Variants in TNKS observed in about 807,000 individuals in gnomAD.
The protein encoded by TNKS is poly [ADP-ribose] polymerase tankyrase-1.
Under a neutral mutation model 135.8 loss-of-function variants are expected in TNKS, and 72 were observed. The observed-to-expected ratio is 0.53, with a 90% CI of 0.44 to 0.64. The LOEUF (loss-of-function observed/expected upper bound fraction) is 0.64. TNKS is among the 30% of genes least tolerant of loss of function. The probability of loss-of-function intolerance (pLI) is 0.00; values close to 1 mark genes in which losing one functional copy is unlikely to be tolerated. For synonymous variants in TNKS, 849 were observed against 649.3 expected, an observed-to-expected ratio of 1.31 and a Z score of -4.68; for missense variants, 1,769 against 1,674.0, an observed-to-expected ratio of 1.06 and a Z score of -0.99.
At chr8:9,564,899 TC>T (rs1430039065) in intron 1 of TNKS, among the ~76,000 whole-genome samples, 2 of 152,192 alleles carry the variant, frequency 1.3e-5, no homozygotes, top group Non-Finnish European at 2.9e-5. Context: ...AAATGGACTT[TC>T]AGTTTCTTGG....
intron 2 of TNKS, among the ~76,000 whole-genome samples, chr8:9,613,450 A>G (rs1366231439): frequency 6.6e-6 from 1 of 152,198 alleles, no homozygotes. Context: ...GAGGGGTTAG[A>G]TACCTTCTCC....
rs375277034 is a variant in TNKS at position 9,727,922 on chromosome 8, A to G, written c.2001+1202A>G. Among the ~76,000 whole-genome samples, 6 of 152,164 alleles carry G rather than the reference A, an allele frequency of 3.9e-5. No homozygotes were observed. The East Asian group carries it at 9.6e-4, about 24-fold the overall frequency. Reference sequence around the variant, plus strand: ...TGTTGTCTTAAATCTAAAACTGTACATTTTTTCTTAAAAATGCTTCATCAC... The same window carrying G: ...TGTTGTCTTAAATCTAAAACTGTACGTTTTTTCTTAAAAATGCTTCATCAC... On this transcript the variant is annotated intron_variant, in intron 13 of 26. Transcript: ENST00000310430.
At chr8:9,702,427 A>G (rs1803848664) in intron 5 of TNKS, among the ~76,000 whole-genome samples, 1 of 152,180 alleles carries the variant, frequency 6.6e-6, no homozygotes, top group Non-Finnish European at 1.5e-5. Flanking sequence ...TCCACAGGGG[A>G]AAAAACACAT....
chr8:9,700,892 T>A (rs1009104315), intron 5 of TNKS, among the ~76,000 whole-genome samples: 1 of 152,058 alleles, frequency 6.6e-6, no homozygotes, highest in Non-Finnish European at 1.5e-5. Context: ...TAAATGATTT[T>A]TTAAAATCTG....
At chr8:9,636,634 C>T (rs1800521675) in intron 3 of TNKS, among the ~76,000 whole-genome samples, 1 of 152,142 alleles carries the variant, frequency 6.6e-6, no homozygotes, top group Non-Finnish European at 1.5e-5. Context: ...GAAGAAAACT[C>T]TTGGGCATTA....
At chr8:9,699,855 A>G (rs1803713358) in intron 5 of TNKS, among the ~76,000 whole-genome samples, 1 of 152,304 alleles carries the variant, frequency 6.6e-6, no homozygotes. Context: ...TTCTGCTTCA[A>G]GTCTTTCAGT....
In TNKS at chr8:9,556,565, C is replaced by G. The variant is rs920832739; in HGVS notation, c.626C>G (p.Ala209Gly). 3 of 1,613,986 alleles carry G rather than the reference C, an allele frequency of 1.9e-6. No individual in the cohort carries two copies. Among genetic ancestry groups the G allele is most frequent in the Non-Finnish European group, 2.5e-6 (3 of 1,180,052 alleles). Residue 209 changes from alanine (A) to glycine (G), a missense_variant, in exon 1 of 27, where the codon GCA becomes GGA. Physicochemically the swap from Ala to Gly is moderately conservative, Grantham distance 60 (BLOSUM62 0). This residue lies in a region of TNKS where 450 missense variants were observed against 304.9 expected (regional missense o/e 1.48). Coordinates refer to ENST00000310430, the MANE Select transcript of TNKS (RefSeq NM_003747.3). ...CTGGTGGACGCGGCAAACGTAAATG[C>G]AAAGGACATGGCCGGCCGGAAGTCT... ...KRLVDAANVN[A>G]KDMAGRKSSP...
chr8:9,733,438 T>G lies in TNKS; in HGVS notation c.2307T>G (p.Leu769=). 1 of 1,612,562 alleles carries G rather than the reference T, an allele frequency of 6.2e-7. No homozygotes were observed. Among genetic ancestry groups the G allele is most frequent in the Non-Finnish European group, 8.5e-7 (1 of 1,179,220 alleles). The change falls in exon 15 of 27, where the codon CTT becomes CTG. Residue 769 remains leucine (L), a synonymous_variant. Coordinates refer to ENST00000310430, the MANE Select transcript of TNKS (RefSeq NM_003747.3). ...GAAAGTATGAAATCTGCAAGCTCCT[T>G]TTAAAAGTATGTAGTTTAAAAAGTT... ...AKGKYEICKL[L]LKHGADPTKK...
At chr8:9,611,866 A>T (rs1799476484) in intron 2 of TNKS, among the ~76,000 whole-genome samples, 2 of 152,092 alleles carry the variant, frequency 1.3e-5, no homozygotes, top group South Asian at 4.1e-4. Context: ...CTCAACTTTT[A>T]GTTTTGTTTG....
At chr8:9,657,920 C>T (rs1252900084) in intron 3 of TNKS, among the ~76,000 whole-genome samples, 3 of 98,302 alleles carry the variant, frequency 3.1e-5, no homozygotes, top group East Asian at 3.4e-4. Flanking sequence ...CCTCACTTCT[C>T]AGACGGGGCG....
chr8:9,731,315 C>T (rs1020292624), intron 14 of TNKS, among the ~76,000 whole-genome samples: 26 of 152,076 alleles, frequency 1.7e-4, no homozygotes, highest in Non-Finnish European at 2.9e-4. Flanking sequence ...ACAAAATTAG[C>T]CAGGCGTGGT....
At chr8:9,680,427 C>T (rs964302713) in intron 4 of TNKS, among the ~76,000 whole-genome samples, 2 of 151,954 alleles carry the variant, frequency 1.3e-5, no homozygotes, top group African/African-American at 2.4e-5. Flanking sequence ...TTAACTCCAA[C>T]GTTTTAGTCT....
rs1314563274 is a variant in TNKS, at chr8:9,779,074, T to G, written c.*2338T>G. 1.3e-5 allele frequency: 2 copies of G among 152,536 alleles called. No individual in the cohort carries two copies. The highest frequency in any genetic ancestry group is 1.3e-4 in the Admixed American group (2 of 15,270). The allele number at this position is 152,536 out of a possible 1,614,324, so 9.4% of individuals were successfully genotyped here. A position where few individuals can be genotyped will look rare whatever the true frequency, so the allele number is the denominator to read the frequency against. ...GTGTAAGGAAGACATTTGCGGTGCT[T>G]CTTGTCCTATAATGATTCAAGTATA... On this transcript the variant is annotated 3_prime_UTR_variant, in exon 27 of 27. Coordinates refer to ENST00000310430, the MANE Select transcript of TNKS (RefSeq NM_003747.3).
intron 3 of TNKS, among the ~76,000 whole-genome samples, chr8:9,662,768 G>T (rs1158192051): frequency 6.6e-6 from 1 of 152,078 alleles, no homozygotes; most frequent in Non-Finnish European, 1.5e-5. Context: ...TTTAAAAAAA[G>T]TATGTACTTT....
In TNKS at chr8:9,776,913, A is replaced by G. The variant is rs892504735; in HGVS notation, c.*177A>G. 2 of 581,470 alleles carry G rather than the reference A, an allele frequency of 3.4e-6. No homozygotes were observed. The highest frequency in any genetic ancestry group is 6.5e-5 in the Admixed American group (2 of 30,740). The allele number at this position is 581,470 out of a possible 1,614,324, so 36.0% of individuals were successfully genotyped here. A position where few individuals can be genotyped will look rare whatever the true frequency, so the allele number is the denominator to read the frequency against. On this transcript the variant is annotated 3_prime_UTR_variant, in exon 27 of 27. Transcript: ENST00000310430. ...AGTATGAGTAACTGATACATACTCA[A>G]CTGCTACTGTTCCCTTTGAGGAAAT...
rs956436227 is a variant in TNKS, at chr8:9,672,715, A to C, written c.995-7236A>C. Among the ~76,000 whole-genome samples the C allele has an allele frequency of 6.1e-3, 702 of 114,734 alleles. 2 individuals are homozygous for C. Among genetic ancestry groups the C allele is most frequent in the East Asian group, 0.035 (95 of 2,720 alleles). The allele number at this position is 114,734 out of a possible 152,430, so 75.3% of individuals were successfully genotyped here. A position where few individuals can be genotyped will look rare whatever the true frequency, so the allele number is the denominator to read the frequency against. On this transcript the variant is annotated intron_variant, in intron 3 of 26. Coordinates refer to ENST00000310430, the MANE Select transcript of TNKS (RefSeq NM_003747.3). ...ACACACACACACACACACACACAAA[A>C]AAAAAAAAACAAACTAATATCCCAC...
rs1186773215 is a variant in TNKS at position 9,748,094 on chromosome 8, C to T, written c.2714C>T (p.Thr905Ile). ...CVNATDKWAFTPLHEAAQKGR... is the reference protein window; with the variant it reads ...CVNATDKWAFIPLHEAAQKGR... ...AATGCAACAGATAAGTGGGCGTTTA[C>T]TCCCCTCCATGAAGCAGCCCAGAAA... Residue 905 changes from threonine to isoleucine, a missense_variant, in exon 18 of 27, where the codon ACT becomes ATT. Around this residue, in one of 5 missense-constraint regions of TNKS, gnomAD observed 722 missense variants for 688.9 expected, o/e 1.05. Transcript: ENST00000310430. 1 of 1,614,000 alleles carries T rather than the reference C, an allele frequency of 6.2e-7. No individual in the cohort carries two copies. Among genetic ancestry groups the T allele is most frequent in the Non-Finnish European group, 8.5e-7 (1 of 1,180,010 alleles).
chr8:9,727,128 T>A (rs1217741127), intron 13 of TNKS, among the ~76,000 whole-genome samples: 1 of 152,172 alleles, frequency 6.6e-6, no homozygotes, highest in African/African-American at 2.4e-5. Context: ...AAAGAATATT[T>A]CTTGATCTTT....
At chr8:9,666,753 C>G (rs1189076632) in intron 3 of TNKS, among the ~76,000 whole-genome samples, 1 of 151,404 alleles carries the variant, frequency 6.6e-6, no homozygotes, top group Non-Finnish European at 1.5e-5. Context: ...ACATAGCAAT[C>G]TTGAACCGTT....
Sources: gnomAD v4.1 joint callset for allele counts (sites outside exome capture counted in the v4.1 genomes callset) on GRCh38, gnomAD v4.1.1 for gene constraint, gnomAD v4.1.1 regional missense constraint, MANE v1.5 for transcripts, NCBI Gene and HGNC (gene_info 2026-07-23, HGNC 2026-07-21) for gene names.